BCAS3: variants seen among roughly 807,000 people sequenced by gnomAD.
BCAS3 encodes BCAS3 microtubule associated cell migration factor.
Under a neutral mutation model 116.1 loss-of-function variants are expected in BCAS3, and 53 were observed. That is an observed-to-expected ratio of 0.46 (90% CI 0.37 to 0.57). The LOEUF is 0.57. BCAS3 is among the 20% of genes least tolerant of loss of function. The pLI, the probability that BCAS3 is intolerant of heterozygous loss-of-function variation, is 0.00. For missense variants in BCAS3, 917 were observed against 1,165.4 expected (o/e 0.79, Z 3.10); for synonymous variants, 391 against 408.2 (o/e 0.96, Z 0.51).
intron 10 of BCAS3, among the ~76,000 whole-genome samples, chr17:60,892,010 T>A (rs778900655): frequency 6.6e-6 from 1 of 152,238 alleles, no homozygotes; most frequent in Non-Finnish European, 1.5e-5. Context: ...AAGTATTCCA[T>A]GGTGTGTATA....
chr17:60,868,867 C>T (rs2054862915), intron 8 of BCAS3, among the ~76,000 whole-genome samples, 184 bp downstream of exon 8: 1 of 152,156 alleles, frequency 6.6e-6, no homozygotes, highest in African/African-American at 2.4e-5. Flanking sequence ...GACTTCTAGT[C>T]TTGATCCATT....
intron 22 of BCAS3, among the ~76,000 whole-genome samples, chr17:61,250,405 G>A (rs1397470400): frequency 4.6e-5 from 7 of 152,106 alleles, no homozygotes; most frequent in East Asian, 1.9e-4. Context: ...TATATTGTAC[G>A]AGATGGAAAG....
rs1568798970 is a variant in BCAS3, at chr17:61,302,559, C to G, written c.2426-65768C>G. ...TTAGATAGTCTCCTTATCTGAAGTC[C>G]TAGGCTATCTTGTTTAATACTGACA... On this transcript the variant is annotated intron_variant, in intron 22 of 23. Transcript: ENST00000407086. The surrounding 1 kb of genome is among the most constrained non-coding windows in gnomAD (Gnocchi z 4.4). 6.6e-6 allele frequency among the ~76,000 whole-genome samples: 1 copy of G among 152,126 alleles called. No individual in the cohort carries two copies.
At chr17:60,937,112 A>C (rs1255240887) in intron 13 of BCAS3, among the ~76,000 whole-genome samples, 1 of 152,224 alleles carries the variant, frequency 6.6e-6, no homozygotes, top group African/African-American at 2.4e-5. Flanking sequence ...TTTATTAAAT[A>C]GGGAATTGTT....
chr17:61,358,500 A>AT (rs71150608), intron 22 of BCAS3, among the ~76,000 whole-genome samples: 78,726 of 130,880 alleles, frequency 0.6, 24,956 homozygotes, highest in Non-Finnish European at 0.7. Context: ...CACGTTTTTA[A>AT]TTTTTTTTTT....
intron 7 of BCAS3, among the ~76,000 whole-genome samples, chr17:60,847,457 C>T (rs941997143): frequency 5.9e-5 from 9 of 152,134 alleles, no homozygotes; most frequent in African/African-American, 2.2e-4. Flanking sequence ...CAGCAGTGGA[C>T]CAGAGTTCCA....
rs998822967 is a variant in BCAS3 at position 61,151,654 on chromosome 17, C to T, written c.2425+67090C>T. ...TAAATTTTTGGCAGAAACAAGTTCT[C>T]GCCATTTTACCCAGACTGGTCTTGA... On this transcript the variant is annotated intron_variant, in intron 22 of 23. Coordinates refer to ENST00000407086, the MANE Select transcript of BCAS3 (RefSeq NM_017679.5). This position sits in a 1 kb window ranked among gnomAD's most constrained non-coding sequence, Gnocchi z 4.8. Among the ~76,000 whole-genome samples the T allele has an allele frequency of 2.0e-5, 3 of 152,082 alleles. No individual in the cohort carries two copies. The highest frequency in any genetic ancestry group is 2.1e-4 in the South Asian group (1 of 4,818).
intron 22 of BCAS3, among the ~76,000 whole-genome samples, chr17:61,301,177 T>C (rs2053395758): frequency 6.6e-6 from 1 of 152,238 alleles, no homozygotes; most frequent in Non-Finnish European, 1.5e-5. Context: ...TGCTCACTCA[T>C]GTACATATTG....
intron 7 of BCAS3, among the ~76,000 whole-genome samples, chr17:60,814,582 A>G (rs2049193533): frequency 6.6e-6 from 1 of 152,060 alleles, no homozygotes; most frequent in Non-Finnish European, 1.5e-5. Context: ...TGCTCTGGCA[A>G]ACAGTAGCTT....
rs1344513500 is a variant in BCAS3 at position 60,990,944 on chromosome 17, C to T, written c.1486+709C>T. On this transcript the variant is annotated intron_variant, in intron 15 of 23. Transcript: ENST00000407086. This position sits in a 1 kb window ranked among gnomAD's most constrained non-coding sequence, Gnocchi z 5.1. ...TACAGACATGAGCCACCGCACCCAG[C>T]CTGCATTTTATTTTAAAATGGGATT... 2.6e-5 allele frequency among the ~76,000 whole-genome samples: 4 copies of T among 152,112 alleles called. No individual in the cohort carries two copies. The highest frequency in any genetic ancestry group is 1.3e-4 in the Admixed American group (2 of 15,262).
At chr17:60,765,773 T>A (rs943124642) in intron 6 of BCAS3, among the ~76,000 whole-genome samples, 3 of 152,238 alleles carry the variant, frequency 2.0e-5, no homozygotes, top group Non-Finnish European at 4.4e-5. Context: ...CTGGATAATA[T>A]CCTGAAGAGT....
chr17:61,018,562 A>G (rs2065648199), intron 16 of BCAS3, among the ~76,000 whole-genome samples: 2 of 152,138 alleles, frequency 1.3e-5, no homozygotes, highest in Non-Finnish European at 1.5e-5. Context: ...TCGGCCTCCC[A>G]AAGTGCTGGG....
intron 7 of BCAS3, among the ~76,000 whole-genome samples, chr17:60,866,232 C>T (rs2054581121): frequency 6.6e-6 from 1 of 151,368 alleles, no homozygotes; most frequent in Non-Finnish European, 1.5e-5. Flanking sequence ...TCAAGCGATT[C>T]TCCTGTCTCA....
intron 4 of BCAS3, among the ~76,000 whole-genome samples, chr17:60,702,707 A>G (rs928262535): frequency 2.0e-5 from 3 of 152,078 alleles, no homozygotes; most frequent in African/African-American, 4.8e-5. Flanking sequence ...TTCCCACCTC[A>G]GCCTCCGAAG....
Position 61,013,657 on chromosome 17 carries a change from A to G in BCAS3, c.1487-2094A>G, listed in dbSNP as rs975760346. Among the ~76,000 whole-genome samples the G allele has an allele frequency of 2.6e-4, 39 of 151,400 alleles. No individual in the cohort carries two copies. Among genetic ancestry groups the G allele is most frequent in the Non-Finnish European group, 4.0e-4 (27 of 67,734 alleles). On this transcript the variant is annotated intron_variant, in intron 15 of 23. Coordinates refer to ENST00000407086, the MANE Select transcript of BCAS3 (RefSeq NM_017679.5). The surrounding 1 kb of genome is among the most constrained non-coding windows in gnomAD (Gnocchi z 4.4). ...GTGTAGATGGCTTCTGTTAACTTTA[A>G]TGTGTATTCTGAATTGGAAATTGAG... is the stretch of plus-strand genomic sequence containing the variant.
rs143728154 is a variant in BCAS3, at chr17:61,388,019, G to A, written c.2594-3958G>A. Among the ~76,000 whole-genome samples, 1 of 152,114 alleles carries A rather than the reference G, an allele frequency of 6.6e-6. No homozygotes were observed. The highest frequency in any genetic ancestry group is 6.5e-5 in the Admixed American group (1 of 15,276). On this transcript the variant is annotated intron_variant, in intron 23 of 23. Transcript: ENST00000407086. This position sits in a 1 kb window ranked among gnomAD's most constrained non-coding sequence, Gnocchi z 6.5. ...CTGACCAGAATCTCCACACCTCTAA[G>A]GGGGGAGGTGGCTGGGGACACTTCC...
chr17:61,274,434 G>A (rs911726300), intron 22 of BCAS3, among the ~76,000 whole-genome samples: 2 of 151,452 alleles, frequency 1.3e-5, no homozygotes, highest in East Asian at 1.9e-4. Context: ...GATCACAGGC[G>A]TGTGCCACCA....
Position 61,163,281 on chromosome 17 carries a change from G to A in BCAS3, c.2425+78717G>A, listed in dbSNP as rs544858063. Among the ~76,000 whole-genome samples, 8 of 148,682 alleles carry A rather than the reference G, an allele frequency of 5.4e-5. No homozygotes were observed. In the East Asian group the frequency reaches 8.2e-4, roughly 15 times the overall value. On this transcript the variant is annotated intron_variant, in intron 22 of 23. Coordinates refer to ENST00000407086, the MANE Select transcript of BCAS3 (RefSeq NM_017679.5). ...CTACTAAAAATACAAAAAATTAGCCGGGCGTGGTGGTGGGCGCCTGTAGTC... is the reference window on the plus strand; with the variant it reads ...CTACTAAAAATACAAAAAATTAGCCAGGCGTGGTGGTGGGCGCCTGTAGTC...
chr17:61,310,084 G>T (rs1483985540), intron 22 of BCAS3, among the ~76,000 whole-genome samples: 1 of 152,214 alleles, frequency 6.6e-6, no homozygotes, highest in Non-Finnish European at 1.5e-5. Context: ...AGAGGCTAAT[G>T]AATCAGTGGG....
Sources: gnomAD v4.1 joint callset for allele counts (sites outside exome capture counted in the v4.1 genomes callset) on GRCh38, gnomAD v4.1.1 for gene constraint, Gnocchi (gnomAD v3.1) non-coding constraint, MANE v1.5 for transcripts, NCBI Gene and HGNC (gene_info 2026-07-23, HGNC 2026-07-21) for gene names.